Variants in MSRA observed in about 807,000 individuals in gnomAD.
MSRA encodes methionine sulfoxide reductase A, also known as mitochondrial peptide methionine sulfoxide reductase.
MSRA carries 54 observed loss-of-function variants against 31.3 expected under a neutral mutation model. That is an observed-to-expected ratio of 1.73 (90% CI 1.39 to 2.17). MSRA has a LOEUF of 2.17. Ranked by LOEUF, MSRA falls within the 30% of genes most tolerant of loss-of-function variation. The pLI is 0.00. For synonymous variants in MSRA, 169 were observed against 116.5 expected (o/e 1.45, Z -2.90); for missense variants, 507 against 300.9 (o/e 1.69, Z -5.07).
chr8:10,259,783 C>A (rs10098383), intron 3 of MSRA, among the ~76,000 whole-genome samples: 1 of 152,074 alleles, frequency 6.6e-6, no homozygotes, highest in East Asian at 1.9e-4. Context: ...CCTCAGCTTC[C>A]CTGCACCTGG....
At chr8:10,133,423 C>T (rs1186424417) in intron 1 of MSRA, among the ~76,000 whole-genome samples, 1 of 152,160 alleles carries the variant, frequency 6.6e-6, no homozygotes, top group African/African-American at 2.4e-5. Flanking sequence ...CGCCTCAGTG[C>T]TTCAGCGACA....
At chr8:10,360,178 G>A (rs989524661) in intron 5 of MSRA, among the ~76,000 whole-genome samples, 1 of 152,214 alleles carries the variant, frequency 6.6e-6, no homozygotes, top group Non-Finnish European at 1.5e-5. Flanking sequence ...GCTGCTCTCA[G>A]TGTTAGCCAC....
intron 3 of MSRA, among the ~76,000 whole-genome samples, chr8:10,289,974 C>G (rs1439808974): frequency 6.6e-6 from 1 of 152,178 alleles, no homozygotes; most frequent in Non-Finnish European, 1.5e-5. Flanking sequence ...GTGCTTTCCC[C>G]TTTATGTCTG....
intron 1 of MSRA, among the ~76,000 whole-genome samples, chr8:10,061,332 C>G (rs556362728): frequency 6.6e-6 from 1 of 152,072 alleles, no homozygotes; most frequent in South Asian, 2.1e-4. Flanking sequence ...CCTGTATTGT[C>G]CATATATCCT....
chr8:10,387,904 C>T (rs111272997), intron 5 of MSRA, among the ~76,000 whole-genome samples: 1,994 of 152,228 alleles, frequency 0.013, 37 homozygotes, highest in African/African-American at 0.046. Flanking sequence ...GCTTCTAGGG[C>T]CTTCCAATTT....
chr8:10,205,102 C>G (rs1022372423), intron 1 of MSRA, among the ~76,000 whole-genome samples: 1 of 151,928 alleles, frequency 6.6e-6, no homozygotes, highest in Non-Finnish European at 1.5e-5. Flanking sequence ...GCCTGAGAGT[C>G]ATGGGATGCC....
At chr8:10,141,241 G>C (rs1434971484) in intron 1 of MSRA, among the ~76,000 whole-genome samples, 1 of 152,100 alleles carries the variant, frequency 6.6e-6, no homozygotes, top group Non-Finnish European at 1.5e-5. Context: ...TGTGTGCCTC[G>C]CCCCTCACGC....
chr8:10,137,469 T>G (rs1305781785), intron 1 of MSRA, among the ~76,000 whole-genome samples: 1 of 152,232 alleles, frequency 6.6e-6, no homozygotes, highest in Non-Finnish European at 1.5e-5. Flanking sequence ...CCTTATTCTG[T>G]GCCCTGTTTC....
intron 1 of MSRA, among the ~76,000 whole-genome samples, chr8:10,199,900 G>GGA (rs1808348205): frequency 6.6e-6 from 1 of 152,154 alleles, no homozygotes; most frequent in African/African-American, 2.4e-5. Context: ...TTATCAATGT[G>GGA]GAGAACATCC....
At chr8:10,303,295 A>G (rs1366898035) in intron 4 of MSRA, among the ~76,000 whole-genome samples, 1 of 152,136 alleles carries the variant, frequency 6.6e-6, no homozygotes, top group East Asian at 1.9e-4. Flanking sequence ...TTCTCTCTCC[A>G]TACCGCTCTT....
chr8:10,275,939 T>G (rs149747567), intron 3 of MSRA, among the ~76,000 whole-genome samples: 3,463 of 152,354 alleles, frequency 0.023, 56 homozygotes, highest in Non-Finnish European at 0.033. Flanking sequence ...AATCATTAAT[T>G]GCTCATGAAA....
At position 10,413,985 on chromosome 8, in the gene MSRA, C is replaced by T. The variant is rs1250050045; in HGVS notation, c.544-14163C>T. The stretch of plus-strand genomic sequence containing the variant: ...TTTGAGACAGACCCAGGCAACATAG[C>T]GAGACCCCATCTCTACAAAAAATAA... On this transcript the variant is annotated intron_variant, in intron 5 of 5. Coordinates refer to ENST00000317173, the MANE Select transcript of MSRA (RefSeq NM_012331.5). 8.5e-5 allele frequency among the ~76,000 whole-genome samples: 13 copies of T among 152,092 alleles called. No homozygotes were observed. The East Asian group carries it at 2.3e-3, about 27-fold the overall frequency.
intron 5 of MSRA, among the ~76,000 whole-genome samples, chr8:10,360,805 AG>A (rs1368237383): frequency 2.0e-5 from 3 of 152,086 alleles, no homozygotes; most frequent in African/African-American, 7.2e-5. Flanking sequence ...AGTGGGGGAG[AG>A]TGGCTCTCTG....
chr8:10,152,019 T>C (rs2129037215), intron 1 of MSRA, among the ~76,000 whole-genome samples: 1 of 152,366 alleles, frequency 6.6e-6, no homozygotes, highest in Non-Finnish European at 1.5e-5. Context: ...CTGAGGGTGC[T>C]TCTGAAGTAG....
intron 5 of MSRA, among the ~76,000 whole-genome samples, chr8:10,385,445 G>A (rs976731118): frequency 1.9e-4 from 29 of 152,348 alleles, no homozygotes; most frequent in African/African-American, 5.8e-4. Context: ...ATGACGGGTG[G>A]TACATGGCGG....
At chr8:10,197,296 C>T (rs893475851) in intron 1 of MSRA, among the ~76,000 whole-genome samples, 2 of 152,044 alleles carry the variant, frequency 1.3e-5, no homozygotes, top group Admixed American at 1.3e-4. Context: ...TTAAATGTGG[C>T]AATTAATAAA....
At chr8:10,322,967 G>A (rs1295291061) in intron 5 of MSRA, among the ~76,000 whole-genome samples, 1 of 151,732 alleles carries the variant, frequency 6.6e-6, no homozygotes. Flanking sequence ...ACACGCACCT[G>A]TAATCCGAGC....
At chr8:10,128,303 TG>T (rs1801645300) in intron 1 of MSRA, among the ~76,000 whole-genome samples, 1 of 151,526 alleles carries the variant, frequency 6.6e-6, no homozygotes, top group African/African-American at 2.4e-5. Context: ...CACTTGAACC[TG>T]GGAGGCGGAG....
intron 1 of MSRA, among the ~76,000 whole-genome samples, chr8:10,154,305 A>T (rs1007070566): frequency 1.3e-5 from 2 of 151,970 alleles, no homozygotes; most frequent in African/African-American, 4.8e-5. Flanking sequence ...CCAATAAGGT[A>T]GCACCCAAAT....
Sources: allele counts gnomAD v4.1 joint callset (sites outside exome capture counted in the v4.1 genomes callset), GRCh38; gene constraint gnomAD v4.1.1; transcripts MANE v1.5; gene names NCBI Gene and HGNC (gene_info 2026-07-23, HGNC 2026-07-21).